The following KIAA1549 variants were observed in gnomAD, a reference collection of about 807,000 sequenced individuals.
The protein encoded by KIAA1549 is KIAA1549, also known as UPF0606 protein KIAA1549.
Under a neutral mutation model 156.4 loss-of-function variants are expected in KIAA1549, and 70 were observed. The ratio of observed to expected loss-of-function variants is 0.45; its 90% CI spans 0.37 to 0.55. The LOEUF is 0.55. KIAA1549 is among the 20% of genes least tolerant of loss of function. The pLI, the probability that KIAA1549 is intolerant of heterozygous loss-of-function variation, is 0.00. For synonymous variants in KIAA1549, 1,103 were observed against 1,066.4 expected (o/e 1.03, Z -0.67); for missense variants, 2,428 against 2,540.9 (o/e 0.96, Z 0.96).
chr7:138,950,568 C>T (rs1250644780), intron 1 of KIAA1549, among the ~76,000 whole-genome samples: 1 of 152,218 alleles, frequency 6.6e-6, no homozygotes, highest in Non-Finnish European at 1.5e-5. Flanking sequence ...CTATTTGGTA[C>T]AAGAATAATC....
chr7:138,968,693 AAATAAT>A (rs138233736), intron 1 of KIAA1549, among the ~76,000 whole-genome samples: 9 of 151,090 alleles, frequency 6.0e-5, no homozygotes, highest in Middle Eastern at 3.4e-3. Context: ...TAAAAATACA[AAATAAT>A]AATAATAATA....
Position 138,893,840 on chromosome 7 carries a change from G to A in KIAA1549, c.4032+502C>T, listed in dbSNP as rs7804241. 2.5e-3 allele frequency among the ~76,000 whole-genome samples: 377 copies of A among 152,368 alleles called. 2 individuals carry two copies. Among genetic ancestry groups the A allele is most frequent in the African/African-American group, 8.6e-3 (358 of 41,590 alleles). ...AATCCCAGCACTTCGGGAGGCCAAG[G>A]CAGGCAGATCTTTTGAGGCCAGGAG... On this transcript the variant is annotated intron_variant, in intron 10 of 19. Transcript: ENST00000422774.
Position 138,856,462 on chromosome 7 carries a change from T to C in KIAA1549, c.5248-4193A>G, listed in dbSNP as rs532958171. Reference sequence around the variant, plus strand: ...TTCCTCTTGAATTTATCCACTGCATTGCACTAGCTGGAGTCACCAACTCTC... The same window carrying C: ...TTCCTCTTGAATTTATCCACTGCATCGCACTAGCTGGAGTCACCAACTCTC... On this transcript the variant is annotated intron_variant, in intron 16 of 19. Coordinates refer to ENST00000422774, the MANE Select transcript of KIAA1549 (RefSeq NM_001164665.2). Among the ~76,000 whole-genome samples the C allele has an allele frequency of 2.0e-5, 3 of 152,292 alleles. No individual in the cohort carries two copies. In the East Asian group the frequency reaches 5.8e-4, roughly 29 times the overall value.
intron 1 of KIAA1549, among the ~76,000 whole-genome samples, chr7:138,925,701 C>A (rs1812693150): frequency 6.6e-6 from 1 of 151,588 alleles, no homozygotes; most frequent in African/African-American, 2.4e-5. Flanking sequence ...ATGGTGGCGA[C>A]CACCTGTAGT....
chr7:138,917,870 G>A lies in KIAA1549; in HGVS notation c.1756C>T (p.Pro586Ser). Residue 586 changes from proline (P) to serine (S), a missense_variant, in exon 2 of 20, where the codon CCG (proline) becomes TCG (serine). Pro to Ser is a moderately conservative substitution (Grantham distance 74, BLOSUM62 -1). Around this residue, in one of 5 missense-constraint regions of KIAA1549, gnomAD observed 893 missense variants for 847.9 expected, o/e 1.05. Transcript: ENST00000422774. Reference sequence around the variant, plus strand: ...AGACTATAAGGCGTAAAAACACTCGGGTCTCTGACGGCAAGCGACGGTGTG... The same window carrying A: ...AGACTATAAGGCGTAAAAACACTCGAGTCTCTGACGGCAAGCGACGGTGTG... The part of the protein sequence containing the change: ...KNTPSLAVRD[P>S]SVFTPYSLVP... 1.2e-6 allele frequency: 2 copies of A among 1,604,576 alleles called. No individual in the cohort carries two copies. Among genetic ancestry groups the A allele is most frequent in the Non-Finnish European group, 1.7e-6 (2 of 1,175,608 alleles).
intron 1 of KIAA1549, among the ~76,000 whole-genome samples, chr7:138,975,897 C>T (rs1435553953): frequency 6.6e-6 from 1 of 152,174 alleles, no homozygotes; most frequent in Non-Finnish European, 1.5e-5. Flanking sequence ...AACTCCCTGG[C>T]TGGGTTCTGT....
At chr7:138,892,548 G>C (rs1364188334) in intron 10 of KIAA1549, among the ~76,000 whole-genome samples, 9 of 151,998 alleles carry the variant, frequency 5.9e-5, no homozygotes, top group Non-Finnish European at 1.0e-4. Context: ...AGTATAACAA[G>C]AACAACAAAA....
intron 1 of KIAA1549, among the ~76,000 whole-genome samples, chr7:138,946,119 C>A (rs1813328488): frequency 6.6e-6 from 1 of 152,072 alleles, no homozygotes. Flanking sequence ...CTCATCTGCT[C>A]CCTTTTCTCC....
rs761076131 is a variant in KIAA1549, at chr7:138,831,626, T to C, written c.*6280A>G. 6.5e-5 allele frequency: 15 copies of C among 229,046 alleles called. No individual in the cohort carries two copies. The highest frequency in any genetic ancestry group is 1.1e-4 in the Admixed American group (2 of 17,666). 14.2% of individuals were successfully genotyped at this position (229,046 alleles called of 1,614,324 possible). On this transcript the variant is annotated 3_prime_UTR_variant, in exon 20 of 20. Coordinates refer to ENST00000422774, the MANE Select transcript of KIAA1549 (RefSeq NM_001164665.2). ...CTGTTTGAGGACCAGCAAACCATGATTGTCAAGTTTAAGTTGCAGTATTGA... is the reference window on the plus strand; with the variant it reads ...CTGTTTGAGGACCAGCAAACCATGACTGTCAAGTTTAAGTTGCAGTATTGA...
intron 1 of KIAA1549, among the ~76,000 whole-genome samples, chr7:138,958,410 C>A (rs1442010111): frequency 6.6e-6 from 1 of 152,238 alleles, no homozygotes; most frequent in Non-Finnish European, 1.5e-5. Flanking sequence ...TGAAATTCAT[C>A]CTGTTGGCTA....
intron 8 of KIAA1549, among the ~76,000 whole-genome samples, chr7:138,902,649 A>G (rs983441088): frequency 6.6e-6 from 1 of 152,180 alleles, no homozygotes; most frequent in African/African-American, 2.4e-5. Context: ...ATTTAGGATA[A>G]TATGAGACAA....
chr7:138,969,605 GTTTT>G (rs1464807325), intron 1 of KIAA1549, among the ~76,000 whole-genome samples: 1 of 152,070 alleles, frequency 6.6e-6, no homozygotes, highest in Non-Finnish European at 1.5e-5. Flanking sequence ...TTGTTTGTTT[GTTTT>G]TGAGATGGAG....
chr7:138,840,262 G>C lies in KIAA1549; in HGVS notation c.5469C>G (p.His1823Gln). The part of the protein sequence containing the change: ...VGGTTGSQIQ[H>Q]LTQVGIASRI... ...TGCTGGCAATCCCCACCTGTGTCAG[G>C]TGCTGGATCTGGGAGCCTGGAAGGA... Residue 1823 changes from histidine (H) to glutamine (Q), a missense_variant, in exon 19 of 20, where the codon CAC becomes CAG. Around this residue, in one of 5 missense-constraint regions of KIAA1549, gnomAD observed 363 missense variants for 354.0 expected, o/e 1.03. Transcript: ENST00000422774. 1 of 1,599,296 alleles carries C rather than the reference G, an allele frequency of 6.3e-7. No homozygotes were observed. Among genetic ancestry groups the C allele is most frequent in the Non-Finnish European group, 8.5e-7 (1 of 1,173,214 alleles).
In KIAA1549 at chr7:138,917,690, C is replaced by G. The variant is rs370104220; in HGVS notation, c.1936G>C (p.Ala646Pro). 4.4e-6 allele frequency: 7 copies of G among 1,608,302 alleles called. No homozygotes were observed. The highest frequency in any genetic ancestry group is 5.9e-6 in the Non-Finnish European group (7 of 1,177,016). Reference protein sequence around the residue: ...GSISSPSEAPASLSLMPSDLS... With the variant: ...GSISSPSEAPPSLSLMPSDLS... ...TCACTCGGCATCAGAGACAGAGACG[C>G]AGGTGCTTCCGAAGGCGAAGAGATG... The change falls in exon 2 of 20, where the codon GCG becomes CCG. Residue 646 changes from alanine to proline, a missense_variant. Ala to Pro is a conservative substitution (Grantham distance 27). Transcript: ENST00000422774.
intron 16 of KIAA1549, among the ~76,000 whole-genome samples, chr7:138,859,150 T>C (rs997779354): frequency 6.6e-6 from 1 of 152,204 alleles, no homozygotes; most frequent in African/African-American, 2.4e-5. Flanking sequence ...TGGGGCTTTC[T>C]TCCTGGCTTG....
intron 1 of KIAA1549, among the ~76,000 whole-genome samples, chr7:138,956,785 C>A (rs534160332): frequency 6.6e-5 from 10 of 152,308 alleles, no homozygotes; most frequent in East Asian, 1.9e-4. Context: ...CTGATCTATT[C>A]AATCATTCAT....
chr7:138,844,637 G>A (rs1434041324), intron 17 of KIAA1549, among the ~76,000 whole-genome samples, 163 bp from the exon 18 acceptor site: 3 of 152,134 alleles, frequency 2.0e-5, no homozygotes, highest in African/African-American at 7.2e-5. Context: ...CTCCCTGAGG[G>A]AAGGGACTTT....
At chr7:138,863,345 C>T (rs941429498) in intron 15 of KIAA1549, among the ~76,000 whole-genome samples, 4 of 151,930 alleles carry the variant, frequency 2.6e-5, no homozygotes, top group Admixed American at 2.6e-4. Flanking sequence ...ATTCCGTTAC[C>T]CATCTGGATC....
intron 12 of KIAA1549, among the ~76,000 whole-genome samples, chr7:138,872,992 G>A (rs1810982322): frequency 6.6e-6 from 1 of 152,172 alleles, no homozygotes; most frequent in East Asian, 1.9e-4. Context: ...ATGGCCAGCA[G>A]GCTGACAGAG....
Sources: allele counts gnomAD v4.1 joint callset (sites outside exome capture counted in the v4.1 genomes callset), GRCh38; gene constraint gnomAD v4.1.1; regional missense constraint gnomAD v4.1.1; transcripts MANE v1.5; gene names NCBI Gene and HGNC (gene_info 2026-07-23, HGNC 2026-07-21).